The following PDE4D variants were observed in gnomAD, a reference collection of about 807,000 sequenced individuals.
The protein encoded by PDE4D is phosphodiesterase 4D, also known as 3',5'-cyclic-AMP phosphodiesterase 4D.
In PDE4D, 24 loss-of-function variants were observed where a neutral mutation model predicts 87.4. The observed-to-expected ratio is 0.27, with a 90% CI of 0.20 to 0.39. The LOEUF is 0.39. PDE4D is among the 10% of genes least tolerant of loss of function. The pLI is 1.00. For synonymous variants in PDE4D, 384 were observed against 383.2 expected, an observed-to-expected ratio of 1.00 and a Z score of -0.02; for missense variants, 714 against 1,041.0, an observed-to-expected ratio of 0.69 and a Z score of 4.32.
intron 1 of PDE4D, among the ~76,000 whole-genome samples, chr5:60,344,191 C>A (rs1195533741): frequency 3.9e-5 from 6 of 152,100 alleles, no homozygotes; most frequent in Non-Finnish European, 8.8e-5. Context: ...CTCCTATCTA[C>A]CCCTGCTTCA....
At chr5:60,036,600 G>C (rs1438189106) in intron 2 of PDE4D, among the ~76,000 whole-genome samples, 1 of 152,112 alleles carries the variant, frequency 6.6e-6, no homozygotes, top group Non-Finnish European at 1.5e-5. Context: ...AGAATATTAG[G>C]GAATTCACAA....
chr5:59,728,800 A>G (rs1241352027), intron 1 of PDE4D, among the ~76,000 whole-genome samples: 1 of 152,152 alleles, frequency 6.6e-6, no homozygotes, highest in African/African-American at 2.4e-5. Flanking sequence ...CAATTTTGGT[A>G]GAGCAAGATT....
At position 59,087,794 on chromosome 5, in the gene PDE4D, C is replaced by T. The variant is rs77108574; in HGVS notation, c.809-48823G>A. Among the ~76,000 whole-genome samples, 404 of 152,214 alleles carry T rather than the reference C, an allele frequency of 2.7e-3. 3 individuals are homozygous for T. In the East Asian group the frequency reaches 0.043, roughly 16 times the overall value. On this transcript the variant is annotated intron_variant, in intron 5 of 14. Transcript: ENST00000340635. ...CACCTTTCATACTGCAATATTTGCT[C>T]GAACTATTGACCCCCAACCTTACTC...
At chr5:59,812,206 G>T (rs1768433792) in intron 1 of PDE4D, among the ~76,000 whole-genome samples, 1 of 152,152 alleles carries the variant, frequency 6.6e-6, no homozygotes, top group African/African-American at 2.4e-5. Context: ...TGAATCTGAG[G>T]TCCACGTCTG....
chr5:59,610,938 C>A (rs1222218193), intron 1 of PDE4D, among the ~76,000 whole-genome samples: 1 of 152,100 alleles, frequency 6.6e-6, no homozygotes, highest in African/African-American at 2.4e-5. Flanking sequence ...GGTACAAGGT[C>A]TCTTAGAAAG....
intron 1 of PDE4D, among the ~76,000 whole-genome samples, chr5:60,318,962 C>T (rs1755921279): frequency 6.6e-6 from 1 of 152,092 alleles, no homozygotes; most frequent in African/African-American, 2.4e-5. Flanking sequence ...AATTATGTGT[C>T]TTGGAGTTGC....
At chr5:59,355,714 T>C (rs1236023599) in intron 1 of PDE4D, among the ~76,000 whole-genome samples, 1 of 152,138 alleles carries the variant, frequency 6.6e-6, no homozygotes, top group Admixed American at 6.5e-5. Context: ...TGCTTATGCA[T>C]TGTTATACAA....
intron 1 of PDE4D, among the ~76,000 whole-genome samples, chr5:59,652,456 T>C (rs1289319769): frequency 1.3e-5 from 2 of 152,240 alleles, no homozygotes; most frequent in African/African-American, 4.8e-5. Context: ...TTGCCCAATA[T>C]GTTTGCGTTG....
chr5:60,071,063 C>T (rs1352264933), intron 2 of PDE4D, among the ~76,000 whole-genome samples: 1 of 151,624 alleles, frequency 6.6e-6, no homozygotes, highest in African/African-American at 2.4e-5. Context: ...TTTGAGGCAT[C>T]GCTCTTTTTT....
intron 1 of PDE4D, among the ~76,000 whole-genome samples, chr5:59,490,952 A>G (rs921356896): frequency 6.6e-6 from 1 of 152,136 alleles, no homozygotes; most frequent in African/African-American, 2.4e-5. Context: ...ATCCACGTAT[A>G]GACGATCAAA....
chr5:59,026,982 C>G (rs555613941), intron 6 of PDE4D, among the ~76,000 whole-genome samples: 3 of 152,310 alleles, frequency 2.0e-5, no homozygotes, highest in South Asian at 4.1e-4. Context: ...ATTCAGATTT[C>G]CTTAGTTTTC....
At chr5:60,031,870 T>A (rs1190477158) in intron 2 of PDE4D, among the ~76,000 whole-genome samples, 2 of 152,188 alleles carry the variant, frequency 1.3e-5, no homozygotes, top group African/African-American at 2.4e-5. Flanking sequence ...CAAAACCTGA[T>A]GTAATTACAT....
chr5:60,160,754 T>TA, intron 2 of PDE4D: 1 of 443,720 alleles, frequency 2.3e-6, no homozygotes, highest in South Asian at 1.6e-5. Context: ...TAACCAGAAA[T>TA]ACTTCTTCTC....
intron 1 of PDE4D, among the ~76,000 whole-genome samples, chr5:59,795,312 T>G (rs1268234810): frequency 1.3e-5 from 2 of 152,140 alleles, no homozygotes; most frequent in African/African-American, 4.8e-5. Context: ...TTGGTTCCTC[T>G]TTTTGGACAC....
chr5:59,315,938 G>C (rs543544867), intron 1 of PDE4D, among the ~76,000 whole-genome samples: 1 of 152,246 alleles, frequency 6.6e-6, no homozygotes, highest in East Asian at 1.9e-4. Flanking sequence ...AACTTTATAA[G>C]AGTCCTGAGC....
chr5:59,288,974 T>C (rs1004079950), intron 1 of PDE4D, among the ~76,000 whole-genome samples: 1 of 152,072 alleles, frequency 6.6e-6, no homozygotes, highest in Non-Finnish European at 1.5e-5. Context: ...AAAAGCATAT[T>C]AATGAGCAAT....
chr5:59,791,912 G>T (rs561008286), intron 1 of PDE4D, among the ~76,000 whole-genome samples: 1 of 152,110 alleles, frequency 6.6e-6, no homozygotes, highest in Non-Finnish European at 1.5e-5. Flanking sequence ...GAGACAAAAC[G>T]AGAGAATGTG....
At chr5:60,308,843 CT>C (rs1264304626) in intron 1 of PDE4D, among the ~76,000 whole-genome samples, 1 of 152,132 alleles carries the variant, frequency 6.6e-6, no homozygotes, top group Non-Finnish European at 1.5e-5. Context: ...GGCTCCCAAT[CT>C]TTTTTCCAGA....
intron 8 of PDE4D, among the ~76,000 whole-genome samples, chr5:58,991,474 A>G (rs1156880617): frequency 1.3e-5 from 2 of 152,228 alleles, no homozygotes; most frequent in Admixed American, 6.5e-5. Context: ...TGACATTACA[A>G]CACATTTATG....
Sources: allele counts gnomAD v4.1 joint callset (sites outside exome capture counted in the v4.1 genomes callset), GRCh38; gene constraint gnomAD v4.1.1; transcripts MANE v1.5; gene names NCBI Gene and HGNC (gene_info 2026-07-23, HGNC 2026-07-21).